PPIP5K2: variants seen among roughly 807,000 people sequenced by gnomAD.
The protein encoded by PPIP5K2 is diphosphoinositol pentakisphosphate kinase 2.
PPIP5K2 carries 105 observed loss-of-function variants against 154.6 expected under a neutral mutation model. That is an observed-to-expected ratio of 0.68 (90% CI 0.58 to 0.80). PPIP5K2 has a LOEUF of 0.80. PPIP5K2 is among the 30% of genes least tolerant of loss of function. The pLI, the probability that PPIP5K2 is intolerant of heterozygous loss-of-function variation, is 0.00. For missense variants in PPIP5K2, 992 were observed against 1,504.6 expected (o/e 0.66, Z 5.64); for synonymous variants, 480 against 490.3 (o/e 0.98, Z 0.28).
chr5:103,211,279 C>G lies in PPIP5K2; in HGVS notation c.*9645C>G, dbSNP rs1202359793. 2.0e-5 allele frequency: 3 copies of G among 151,466 alleles called. No individual in the cohort carries two copies. The highest frequency in any genetic ancestry group is 7.3e-5 in the African/African-American group (3 of 40,858). 9.4% of individuals were successfully genotyped at this position (151,466 alleles called of 1,614,324 possible). ...TATGAGAAAGACTAGACCTTATACT[C>G]ATTTTATCTTAACAGTTTATTATAA... On this transcript the variant is annotated 3_prime_UTR_variant, in exon 31 of 31. Coordinates refer to ENST00000358359, the MANE Select transcript of PPIP5K2 (RefSeq NM_001276277.3).
intron 17 of PPIP5K2, among the ~76,000 whole-genome samples, chr5:103,161,964 C>T (rs373532539): frequency 1.4e-4 from 22 of 151,996 alleles, no homozygotes; most frequent in African/African-American, 5.3e-4. Context: ...TTAATTAGAT[C>T]CCATTTGTCA....
chr5:103,162,369 T>C (rs1796421725), intron 17 of PPIP5K2, among the ~76,000 whole-genome samples: 6 of 151,772 alleles, frequency 4.0e-5, no homozygotes, highest in Admixed American at 3.9e-4. Context: ...TTTTTTGTTT[T>C]TTTGTTTTGT....
intron 23 of PPIP5K2, among the ~76,000 whole-genome samples, chr5:103,179,811 G>A (rs1327380954): frequency 1.3e-5 from 2 of 152,004 alleles, no homozygotes; most frequent in Non-Finnish European, 2.9e-5. Flanking sequence ...TAGAGTATAT[G>A]TATTTTTGAA....
rs531282679 is a variant in PPIP5K2 at position 103,183,256 on chromosome 5, C to G, written c.2945C>G (p.Ser982Cys). Residue 982 changes from serine to cysteine, a missense_variant, in exon 25 of 31, where the codon TCT (serine) becomes TGT (cysteine). Ser to Cys is a moderately radical substitution (Grantham distance 112). Transcript: ENST00000358359. ...TNDEESPLSV[S>C]SPEGTGTWLH... is the part of the protein sequence containing the mutation. ...CAGGAAGAGAGCCCCCTGAGTGTGTCTAGCCCAGAGGGTACTGGTACCTGG... is the reference window on the plus strand; with the variant it reads ...CAGGAAGAGAGCCCCCTGAGTGTGTGTAGCCCAGAGGGTACTGGTACCTGG... 7.8e-7 allele frequency: 1 copy of G among 1,283,286 alleles called. No individual in the cohort carries two copies. The highest frequency in any genetic ancestry group is 5.4e-5 in the East Asian group (1 of 18,626). The allele number at this position is 1,283,286 out of a possible 1,614,324, so 79.5% of individuals were successfully genotyped here.
At position 103,167,159 on chromosome 5, in the gene PPIP5K2, T is replaced by C; in HGVS notation, c.1921-20T>C. On this transcript the variant is annotated intron_variant, in intron 17 of 30. Coordinates refer to ENST00000358359, the MANE Select transcript of PPIP5K2 (RefSeq NM_001276277.3). Reference sequence around the variant, plus strand: ...ATTAGGCATAACCAGATATAAAATATATACTTTACTCATTTGTAGCTTACT... The same window carrying C: ...ATTAGGCATAACCAGATATAAAATACATACTTTACTCATTTGTAGCTTACT... 3 of 1,495,240 alleles carry C rather than the reference T, an allele frequency of 2.0e-6. No individual in the cohort carries two copies. Among genetic ancestry groups the C allele is most frequent in the Non-Finnish European group, 1.8e-6 (2 of 1,114,868 alleles). 92.6% of individuals were successfully genotyped at this position (1,495,240 alleles called of 1,614,324 possible).
chr5:103,198,938 C>T (rs1802542395), intron 30 of PPIP5K2, among the ~76,000 whole-genome samples: 1 of 151,480 alleles, frequency 6.6e-6, no homozygotes, highest in Non-Finnish European at 1.5e-5. Flanking sequence ...TGGACTTTTG[C>T]TGTATCTTTT....
At chr5:103,180,848 C>CAAAAAAA (rs782295420) in intron 24 of PPIP5K2, among the ~76,000 whole-genome samples, 1 of 90,358 alleles carries the variant, frequency 1.1e-5, no homozygotes, top group African/African-American at 4.3e-5. Flanking sequence ...AGACTCTCCC[C>CAAAAAAA]AAAAAAAAAA....
chr5:103,120,864 A>T (rs782508583), intron 1 of PPIP5K2: 13 of 173,926 alleles, frequency 7.5e-5, no homozygotes, highest in Non-Finnish European at 1.4e-4. Context: ...TTTTTAAAAA[A>T]TTTTCTGCCT....
At chr5:103,121,376 C>G (rs1788697663) in intron 1 of PPIP5K2, among the ~76,000 whole-genome samples, 2 of 152,140 alleles carry the variant, frequency 1.3e-5, no homozygotes, top group Admixed American at 1.3e-4. Flanking sequence ...ATTATTATCA[C>G]CATTTTACAG....
At chr5:103,122,580 C>T (rs1160209349) in intron 1 of PPIP5K2, among the ~76,000 whole-genome samples, 4 of 152,152 alleles carry the variant, frequency 2.6e-5, no homozygotes, top group African/African-American at 9.7e-5. Flanking sequence ...TGCCAGCCTG[C>T]AGAAGCCTAT....
chr5:103,134,052 T>C (rs1791079660), intron 3 of PPIP5K2, among the ~76,000 whole-genome samples: 1 of 152,144 alleles, frequency 6.6e-6, no homozygotes, highest in South Asian at 2.1e-4. Flanking sequence ...TGTGATCTTT[T>C]TCACTGCATA....
At chr5:103,159,895 A>AT (rs1795960971) in intron 17 of PPIP5K2, among the ~76,000 whole-genome samples, 1 of 152,114 alleles carries the variant, frequency 6.6e-6, no homozygotes. Context: ...TCCAACTGAA[A>AT]TTGTGTATCC....
chr5:103,154,042 G>T (rs1795034926), intron 11 of PPIP5K2, 108 bp downstream of exon 11: 2 of 722,378 alleles, frequency 2.8e-6, no homozygotes, highest in African/African-American at 3.7e-5. Flanking sequence ...TTTATCTACT[G>T]TCTCTTGGCC....
chr5:103,128,760 A>G (rs1340131759), intron 1 of PPIP5K2, among the ~76,000 whole-genome samples: 2 of 152,168 alleles, frequency 1.3e-5, no homozygotes, highest in Non-Finnish European at 2.9e-5. Context: ...CTGCTGTTAA[A>G]TGAAATCTTG....
intron 19 of PPIP5K2, among the ~76,000 whole-genome samples, chr5:103,168,502 G>A (rs782318298): frequency 4.0e-5 from 6 of 151,732 alleles, no homozygotes; most frequent in Non-Finnish European, 7.4e-5. Context: ...TGACTACAGT[G>A]ACTTTTTTTA....
At chr5:103,177,215 A>T (rs565998150) in intron 21 of PPIP5K2, among the ~76,000 whole-genome samples, 1 of 152,068 alleles carries the variant, frequency 6.6e-6, no homozygotes, top group South Asian at 2.1e-4. Context: ...TACCACTAGA[A>T]CTTCTAATAT....
At chr5:103,191,391 T>C (rs1554226905) in intron 29 of PPIP5K2, among the ~76,000 whole-genome samples, 1 of 152,092 alleles carries the variant, frequency 6.6e-6, no homozygotes, top group East Asian at 1.9e-4. Flanking sequence ...CTTTGGTAAG[T>C]AGTTAGAAAG....
At chr5:103,162,460 T>G (rs1429976069) in intron 17 of PPIP5K2, among the ~76,000 whole-genome samples, 1 of 151,782 alleles carries the variant, frequency 6.6e-6, no homozygotes, top group Non-Finnish European at 1.5e-5. Context: ...ACCCCTGGGC[T>G]CAAGTGATTC....
At position 103,133,561 on chromosome 5, in the gene PPIP5K2, G is replaced by T; in HGVS notation, c.223G>T (p.Val75Leu). The change falls in exon 3 of 31, where the codon GTA (valine) becomes TTA (leucine). Residue 75 changes from valine (V) to leucine (L), a missense_variant. By Grantham distance (32) the Val-to-Leu change is conservative (BLOSUM62 1). Coordinates refer to ENST00000358359, the MANE Select transcript of PPIP5K2 (RefSeq NM_001276277.3). ...GATCTCCTTATTTAAATATATCACA[G>T]TAGTAGTATTTGAAGAGGAGGTTAT... ...ERISLFKYIT[V>L]VVFEEEVILN... 1 of 1,612,558 alleles carries T rather than the reference G, an allele frequency of 6.2e-7. No individual in the cohort carries two copies. The highest frequency in any genetic ancestry group is 8.5e-7 in the Non-Finnish European group (1 of 1,179,420).
Sources: gnomAD v4.1 joint callset for allele counts (sites outside exome capture counted in the v4.1 genomes callset) on GRCh38, gnomAD v4.1.1 for gene constraint, MANE v1.5 for transcripts, NCBI Gene and HGNC (gene_info 2026-07-23, HGNC 2026-07-21) for gene names.